Variants in ADCYAP1R1 observed in about 807,000 individuals in gnomAD.
ADCYAP1R1 encodes the protein pituitary adenylate cyclase-activating polypeptide type I receptor.
ADCYAP1R1 carries 44 observed loss-of-function variants against 67.6 expected under a neutral mutation model. That is an observed-to-expected ratio of 0.65 (90% CI 0.51 to 0.84). The LOEUF is 0.84. ADCYAP1R1 is among the 40% of genes least tolerant of loss of function. The pLI is 0.00. For synonymous variants in ADCYAP1R1, 222 were observed against 219.6 expected, an observed-to-expected ratio of 1.01 and a Z score of -0.10; for missense variants, 477 against 587.9, an observed-to-expected ratio of 0.81 and a Z score of 1.95.
chr7:31,083,625 C>T (rs1378056295), intron 6 of ADCYAP1R1, among the ~76,000 whole-genome samples: 1 of 152,188 alleles, frequency 6.6e-6, no homozygotes, highest in Non-Finnish European at 1.5e-5. Context: ...GATGTTGCAG[C>T]TGCTGTGAGG....
chr7:31,063,432 C>T (rs1794595338), intron 2 of ADCYAP1R1, 117 bp downstream of exon 2: 1 of 1,156,352 alleles, frequency 8.6e-7, no homozygotes, highest in African/African-American at 1.5e-5. Flanking sequence ...GTATTTCTGC[C>T]AACACCACCA....
chr7:31,085,845 C>T (rs1012263586), intron 9 of ADCYAP1R1, among the ~76,000 whole-genome samples: 1 of 152,166 alleles, frequency 6.6e-6, no homozygotes, highest in Non-Finnish European at 1.5e-5. Context: ...TTCCAGACAC[C>T]TCCCCAGGTC....
chr7:31,110,154 T>C lies in ADCYAP1R1; in HGVS notation c.*3470T>C, dbSNP rs531939359. On this transcript the variant is annotated 3_prime_UTR_variant, in exon 16 of 16. Coordinates refer to ENST00000304166, the MANE Select transcript of ADCYAP1R1 (RefSeq NM_001118.5). ...TCTCTCTCTCTCTTTTTTTTTTTTT[T>C]TGAGTAGTACCCTTGCCCTCTTCAT... 958 of 151,438 alleles carry C rather than the reference T, an allele frequency of 6.3e-3. 11 individuals carry two copies. Among genetic ancestry groups the C allele is most frequent in the African/African-American group, 0.022 (894 of 41,072 alleles). The allele number at this position is 151,438 out of a possible 1,614,324, so 9.4% of individuals were successfully genotyped here.
chr7:31,096,869 A>G (rs1796217236), intron 13 of ADCYAP1R1, among the ~76,000 whole-genome samples: 1 of 152,144 alleles, frequency 6.6e-6, no homozygotes. Flanking sequence ...CCAGCACCAC[A>G]GTGATCCCTA....
At chr7:31,105,367 G>C (rs1449009072) in intron 15 of ADCYAP1R1, among the ~76,000 whole-genome samples, 1 of 152,232 alleles carries the variant, frequency 6.6e-6, no homozygotes, top group African/African-American at 2.4e-5. Context: ...TGGCCAGCCA[G>C]CCTGGCCCAA....
intron 3 of ADCYAP1R1, among the ~76,000 whole-genome samples, chr7:31,071,875 C>T (rs1472864969): frequency 6.6e-6 from 1 of 152,050 alleles, no homozygotes; most frequent in Non-Finnish European, 1.5e-5. Flanking sequence ...CTGAACATAC[C>T]CCAGACTAAG....
Position 31,086,629 on chromosome 7 carries a change from T to C in ADCYAP1R1, c.823+92T>C, listed in dbSNP as rs1584519015. On this transcript the variant is annotated intron_variant, in intron 10 of 15. Coordinates refer to ENST00000304166, the MANE Select transcript of ADCYAP1R1 (RefSeq NM_001118.5). This position sits in a 1 kb window ranked among gnomAD's most constrained non-coding sequence, Gnocchi z 5.0. ...GGTTCCATCTTCAGGAAGTGTCAGG[T>C]GAGGAGGGGCCACTGCCCTGCCCGA... 3 of 1,489,078 alleles carry C rather than the reference T, an allele frequency of 2.0e-6. No homozygotes were observed. The highest frequency in any genetic ancestry group is 2.8e-5 in the African/African-American group (2 of 72,336). 92.2% of individuals were successfully genotyped at this position (1,489,078 alleles called of 1,614,324 possible).
In ADCYAP1R1 at chr7:31,106,706, T is replaced by C. The variant is rs1482260291; in HGVS notation, c.*22T>C. ...CTGAGCCATGCTCCCCTCCTCCTCC[T>C]CTCCTCCATCCACAGGCTGGGACCG... On this transcript the variant is annotated 3_prime_UTR_variant, in exon 16 of 16. Transcript: ENST00000304166. 2 of 1,578,470 alleles carry C rather than the reference T, an allele frequency of 1.3e-6. No individual in the cohort carries two copies. The highest frequency in any genetic ancestry group is 8.6e-7 in the Non-Finnish European group (1 of 1,162,250).
intron 3 of ADCYAP1R1, among the ~76,000 whole-genome samples, chr7:31,068,550 A>T (rs1794843090): frequency 6.6e-6 from 1 of 152,214 alleles, no homozygotes; most frequent in Admixed American, 6.5e-5. Context: ...CTTGGGAGAC[A>T]GGGACCCTGA....
chr7:31,105,895 C>T (rs1199713038), intron 15 of ADCYAP1R1, among the ~76,000 whole-genome samples: 1 of 152,174 alleles, frequency 6.6e-6, no homozygotes, highest in Non-Finnish European at 1.5e-5. Context: ...ACTGAGAAGG[C>T]ACATGGAGGC....
In ADCYAP1R1 at chr7:31,099,529, C is replaced by T. The variant is rs140742593; in HGVS notation, c.1047-3708C>T. On this transcript the variant is annotated intron_variant, in intron 13 of 15. Transcript: ENST00000304166. The stretch of plus-strand genomic sequence containing the variant: ...ACAATTCATTCAATCTGACTTACCT[C>T]TGTCCCCTATGTATGTGCTGATTCT... Among the ~76,000 whole-genome samples, 45 of 152,340 alleles carry T rather than the reference C, an allele frequency of 3.0e-4. No homozygotes were observed. The East Asian group carries it at 7.9e-3, about 27-fold the overall frequency.
chr7:31,104,436 A>G (rs921898881), intron 14 of ADCYAP1R1, among the ~76,000 whole-genome samples: 2 of 152,184 alleles, frequency 1.3e-5, no homozygotes, highest in African/African-American at 4.8e-5. Flanking sequence ...TATCTGGCCC[A>G]AGGAGGGCAG....
At chr7:31,074,386 C>T (rs1489232984) in intron 3 of ADCYAP1R1, among the ~76,000 whole-genome samples, 1 of 152,194 alleles carries the variant, frequency 6.6e-6, no homozygotes, top group African/African-American at 2.4e-5. Flanking sequence ...AAGGTAGGCA[C>T]TCAGTAAATA....
At chr7:31,100,145 C>G in intron 13 of ADCYAP1R1, 1 of 1,550,602 alleles carries the variant, frequency 6.4e-7, no homozygotes, top group Non-Finnish European at 8.7e-7. Flanking sequence ...TGCAGAAATG[C>G]TACTGCAAGC....
intron 14 of ADCYAP1R1, among the ~76,000 whole-genome samples, chr7:31,103,987 T>C (rs1375393372): frequency 6.6e-6 from 1 of 152,156 alleles, no homozygotes; most frequent in African/African-American, 2.4e-5. Flanking sequence ...AGAGCGCCTC[T>C]CCCTAAGCCA....
chr7:31,084,499 G>A (rs998672251), intron 7 of ADCYAP1R1, among the ~76,000 whole-genome samples: 13 of 152,202 alleles, frequency 8.5e-5, no homozygotes, highest in African/African-American at 2.4e-4. Context: ...ATTGGACAGC[G>A]CTCTTGCCTT....
chr7:31,082,499 A>G (rs1795555092), intron 6 of ADCYAP1R1, among the ~76,000 whole-genome samples: 1 of 152,220 alleles, frequency 6.6e-6, no homozygotes, highest in Admixed American at 6.5e-5. Context: ...CACTGTTTTC[A>G]AAAAAATTGT....
chr7:31,053,971 CAGGTT>C (rs1232813227), intron 1 of ADCYAP1R1, among the ~76,000 whole-genome samples: 2 of 152,164 alleles, frequency 1.3e-5, no homozygotes, highest in Non-Finnish European at 2.9e-5. Context: ...AGGCAGCACC[CAGGTT>C]TTCTCAGGAG....
chr7:31,084,895 G>GTGCATCTC, intron 8 of ADCYAP1R1, 61 bp downstream of exon 8: 1 of 1,443,070 alleles, frequency 6.9e-7, no homozygotes, highest in East Asian at 2.3e-5. Flanking sequence ...AGAGGCCTTG[G>GTGCATCTC]TGCATCTCTC....
Sources: gnomAD v4.1 joint callset for allele counts (sites outside exome capture counted in the v4.1 genomes callset) on GRCh38, gnomAD v4.1.1 for gene constraint, Gnocchi (gnomAD v3.1) non-coding constraint, MANE v1.5 for transcripts, NCBI Gene and HGNC (gene_info 2026-07-23, HGNC 2026-07-21) for gene names.